Variants in PCBP2 observed in about 807,000 individuals in gnomAD.
PCBP2 encodes the protein poly(rC)-binding protein 2.
Under a neutral mutation model 50.1 loss-of-function variants are expected in PCBP2, and 4 were observed. The ratio of observed to expected loss-of-function variants is 0.08; its 90% CI spans 0.04 to 0.18. The LOEUF is 0.18. Ranked by LOEUF, PCBP2 falls within the 10% of genes least tolerant of loss-of-function variation. The pLI is 1.00. For synonymous variants in PCBP2, 179 were observed against 168.0 expected (o/e 1.07, Z -0.51); for missense variants, 161 against 474.3 (o/e 0.34, Z 6.14).
Position 53,480,709 on chromosome 12 carries a change from C to T in PCBP2, c.*1267C>T, listed in dbSNP as rs1345272308. On this transcript the variant is annotated 3_prime_UTR_variant, in exon 15 of 15. Coordinates refer to ENST00000546463, the MANE Select transcript of PCBP2 (RefSeq NM_031989.5). ...AATGGTGGGACAAAAAAATGAGTTA[C>T]ATTGCCACCTGAGAAACCTCAGAGG... 1 of 152,580 alleles carries T rather than the reference C, an allele frequency of 6.6e-6. No homozygotes were observed. The highest frequency in any genetic ancestry group is 1.9e-4 in the East Asian group (1 of 5,192). 9.5% of individuals were successfully genotyped at this position (152,580 alleles called of 1,614,324 possible). A position where few individuals can be genotyped will look rare whatever the true frequency, so the allele number is the denominator to read the frequency against.
At chr12:53,471,831 T>C (rs775865881) in intron 14 of PCBP2, 24 bp downstream of exon 14, 2 of 1,600,944 alleles carry the variant, frequency 1.2e-6, no homozygotes, top group African/African-American at 1.3e-5. Context: ...ACCTTTTGTC[T>C]TATTTATGCC....
chr12:53,455,281 AAATAT>A, intron 2 of PCBP2, 61 bp from the exon 3 acceptor site: 4 of 1,443,570 alleles, frequency 2.8e-6, no homozygotes, highest in Non-Finnish European at 3.8e-6. Flanking sequence ...AGGAAAAATA[AAATAT>A]ATTTTTAAAA....
intron 8 of PCBP2, chr12:53,464,368 GCTT>G (rs1222774020): frequency 2.6e-5 from 3 of 115,612 alleles, no homozygotes; most frequent in African/African-American, 1.0e-4. Flanking sequence ...AAAATTTGCA[GCTT>G]CTTCTATGAG....
chr12:53,454,437 T>G (rs969017852), intron 1 of PCBP2: 2 of 194,140 alleles, frequency 1.0e-5, no homozygotes, highest in Admixed American at 5.7e-5. Context: ...GTGGTGCACG[T>G]TCAGCAGTTT....
At position 53,457,125 on chromosome 12, in the gene PCBP2, T is replaced by G. The variant is rs542710526; in HGVS notation, c.243+1124T>G. ...TAGAGTGCAGTGATATACCTGTAGC[T>G]CTCTGCATCCTCCCAGGCTCAAGTG... On this transcript the variant is annotated intron_variant, in intron 5 of 14. Coordinates refer to ENST00000546463, the MANE Select transcript of PCBP2 (RefSeq NM_031989.5). Among the ~76,000 whole-genome samples, 91 of 152,254 alleles carry G rather than the reference T, an allele frequency of 6.0e-4. 2 individuals carry two copies. In the South Asian group the frequency reaches 0.018, roughly 30 times the overall value.
At position 53,479,612 on chromosome 12, in the gene PCBP2, CT is replaced by C. The variant is rs1942916653; in HGVS notation, c.*173del. The C allele has an allele frequency of 2.3e-6, 1 of 427,364 alleles. No homozygotes were observed. 26.5% of individuals were successfully genotyped at this position (427,364 alleles called of 1,614,324 possible). A position where few individuals can be genotyped will look rare whatever the true frequency, so the allele number is the denominator to read the frequency against. ...TTTTTTAATTAAAGCGTTTTAATTC[CT>C]TTCTCTGTTCAGCTGTTGATGCTGA... On this transcript the variant is annotated 3_prime_UTR_variant, in exon 15 of 15. Coordinates refer to ENST00000546463, the MANE Select transcript of PCBP2 (RefSeq NM_031989.5).
At chr12:53,457,177 G>GC (rs1941092247) in intron 5 of PCBP2, among the ~76,000 whole-genome samples, 1 of 151,956 alleles carries the variant, frequency 6.6e-6, no homozygotes, top group Non-Finnish European at 1.5e-5. Flanking sequence ...TTCCTGAGTA[G>GC]CTGGGGCTAC....
chr12:53,465,812 T>C (rs755965523), intron 9 of PCBP2, 120 bp from the exon 10 acceptor site: 52 of 763,904 alleles, frequency 6.8e-5, no homozygotes, highest in Non-Finnish European at 1.1e-4. Context: ...CCTCAATCTC[T>C]GGCCTCCCCC....
chr12:53,477,527 A>G (rs1037957956), intron 14 of PCBP2, among the ~76,000 whole-genome samples: 5 of 151,826 alleles, frequency 3.3e-5, no homozygotes, highest in African/African-American at 9.7e-5. Flanking sequence ...TTAGCTGGGC[A>G]TGGTGGTGGG....
rs61213286 is a variant in PCBP2 at position 53,477,665 on chromosome 12, CAAAAAAAAAAAAA to C, written c.1053-1724_1053-1712del. 3.4e-4 allele frequency among the ~76,000 whole-genome samples: 18 copies of C among 52,886 alleles called. No homozygotes were observed. In the South Asian group the frequency reaches 9.3e-3, roughly 27 times the overall value. The allele number at this position is 52,886 out of a possible 152,430, so 34.7% of individuals were successfully genotyped here. A position where few individuals can be genotyped will look rare whatever the true frequency, so the allele number is the denominator to read the frequency against. On this transcript the variant is annotated intron_variant, in intron 14 of 14. Transcript: ENST00000546463. ...TGGGTGACAAAGCAAGACTCTGTCT[CAAAAAAAAAAAAA>C]AAAAAAAAAAAAAAAACCCTAAATA...
intron 14 of PCBP2, among the ~76,000 whole-genome samples, chr12:53,478,632 C>T (rs986768717): frequency 6.6e-6 from 1 of 152,112 alleles, no homozygotes; most frequent in Non-Finnish European, 1.5e-5. Flanking sequence ...GTTGAAGCCC[C>T]GTCTCTACTA....
intron 14 of PCBP2, among the ~76,000 whole-genome samples, chr12:53,477,634 C>G (rs1432902762): frequency 7.5e-6 from 1 of 132,660 alleles, no homozygotes; most frequent in Non-Finnish European, 1.5e-5. Flanking sequence ...CCACTGTACT[C>G]CAGCCTGGGT....
chr12:53,458,659 T>G (rs1169870908), intron 5 of PCBP2, among the ~76,000 whole-genome samples: 1 of 150,852 alleles, frequency 6.6e-6, no homozygotes, highest in African/African-American at 2.5e-5. Flanking sequence ...TTTTTTTTTT[T>G]GAGATAGTCT....
At chr12:53,458,820 G>T (rs1941238182) in intron 5 of PCBP2, among the ~76,000 whole-genome samples, 1 of 151,274 alleles carries the variant, frequency 6.6e-6, no homozygotes, top group Non-Finnish European at 1.5e-5. Flanking sequence ...TGTATTTTTA[G>T]TGGAGACGGG....
rs558165596 is a variant in PCBP2 at position 53,455,767 on chromosome 12, G to A, written c.127-118G>A. 1.7e-4 allele frequency: 132 copies of A among 756,376 alleles called. 8 individuals carry two copies. The highest frequency in any genetic ancestry group is 6.8e-4 in the South Asian group (42 of 61,526). The allele number at this position is 756,376 out of a possible 1,614,324, so 46.9% of individuals were successfully genotyped here. ...ATGGAGCAGTAGTGTTTGGAATGATGCTGACTTTGCTTTGCATCAGGATCA... is the reference window on the plus strand; with the variant it reads ...ATGGAGCAGTAGTGTTTGGAATGATACTGACTTTGCTTTGCATCAGGATCA... On this transcript the variant is annotated intron_variant, in intron 4 of 14. Transcript: ENST00000546463.
At chr12:53,454,255 T>C (rs1940820999) in intron 1 of PCBP2, 1 of 153,166 alleles carries the variant, frequency 6.5e-6, no homozygotes, top group Non-Finnish European at 1.5e-5. Context: ...AATTTCCTTA[T>C]CTACAAATTG....
chr12:53,453,169 T>C (rs986663847), intron 1 of PCBP2: 3 of 152,070 alleles, frequency 2.0e-5, no homozygotes, highest in Non-Finnish European at 2.9e-5. Flanking sequence ...TCTTTGTACT[T>C]TACCTCAAGA....
At chr12:53,462,872 T>G (rs760932098) in intron 8 of PCBP2, among the ~76,000 whole-genome samples, 1 of 152,142 alleles carries the variant, frequency 6.6e-6, no homozygotes, top group Non-Finnish European at 1.5e-5. Context: ...ATGTTTTATG[T>G]GTGTGGGGTG....
At chr12:53,469,684 G>C (rs149479264) in intron 13 of PCBP2, among the ~76,000 whole-genome samples, 2 of 151,768 alleles carry the variant, frequency 1.3e-5, no homozygotes, top group Middle Eastern at 3.4e-3. Context: ...CCGAGATCGC[G>C]CCATCGCACT....
Sources: gnomAD v4.1 joint callset for allele counts (sites outside exome capture counted in the v4.1 genomes callset) on GRCh38, gnomAD v4.1.1 for gene constraint, MANE v1.5 for transcripts, NCBI Gene and HGNC (gene_info 2026-07-23, HGNC 2026-07-21) for gene names.